The following ERCC8 variants were observed in gnomAD, a reference collection of about 807,000 sequenced individuals.
ERCC8 encodes the protein DNA excision repair protein ERCC-8.
A neutral mutation model predicts 54.9 loss-of-function variants in ERCC8; 52 were observed. The ratio of observed to expected loss-of-function variants is 0.95; its 90% confidence interval spans 0.76 to 1.19. The LOEUF is 1.19. Among genes scored for constraint, ERCC8 ranks in the 50% most tolerant of loss-of-function variants. ERCC8 has a pLI of 0.00. For synonymous variants in ERCC8, 146 were observed against 157.2 expected (o/e 0.93, Z 0.53); for missense variants, 514 against 466.1 (o/e 1.10, Z -0.95).
Position 60,872,024 on chromosome 5 carries a change from A to G in ERCC8, c.*2591T>C, listed in dbSNP as rs1057130221. Among the ~76,000 whole-genome samples the G allele has an allele frequency of 1.3e-5, 2 of 151,562 alleles. No individual in the cohort carries two copies. Among genetic ancestry groups the G allele is most frequent in the Non-Finnish European group, 2.9e-5 (2 of 67,910 alleles). ...GCCATGTTGCCCAGGCTGGTCTTGA[A>G]CTCCTGAGCTCAAGTGATCTGCCTG... On this transcript the variant is annotated 3_prime_UTR_variant, in exon 12 of 12. Transcript: ENST00000676185.
At chr5:60,900,808 T>C (rs1277274700) in intron 7 of ERCC8, 2 of 152,072 alleles carry the variant, frequency 1.3e-5, no homozygotes, top group Non-Finnish European at 2.9e-5. Context: ...TGGAGTATTC[T>C]TATAATTGAA....
chr5:60,874,381 AG>A lies in ERCC8; in HGVS notation c.*233del. ...TTGTGTTACTTGTACTGTAGCAATG[AG>A]GGCTTTCCCAGGCCACAACATCTGG... On this transcript the variant is annotated 3_prime_UTR_variant, in exon 12 of 12. Transcript: ENST00000676185. 4.0e-6 allele frequency: 2 copies of A among 500,704 alleles called. No homozygotes were observed. Among genetic ancestry groups the A allele is most frequent in the Non-Finnish European group, 7.1e-6 (2 of 280,964 alleles). 31.0% of individuals were successfully genotyped at this position (500,704 alleles called of 1,614,324 possible).
chr5:60,918,946 C>T (rs115161674), intron 3 of ERCC8, among the ~76,000 whole-genome samples: 233 of 152,086 alleles, frequency 1.5e-3, no homozygotes, highest in Admixed American at 3.2e-3. Context: ...GACTCTATGA[C>T]GTCAGCTACA....
At chr5:60,893,863 ATGT>A (rs1748643786) in intron 9 of ERCC8, among the ~76,000 whole-genome samples, 1 of 152,106 alleles carries the variant, frequency 6.6e-6, no homozygotes, top group Non-Finnish European at 1.5e-5. Flanking sequence ...AAGTGCATTC[ATGT>A]TGTTGTGCAA....
intron 1 of ERCC8, among the ~76,000 whole-genome samples, chr5:60,940,860 T>G (rs1393265085): frequency 6.6e-6 from 1 of 152,138 alleles, no homozygotes; most frequent in Non-Finnish European, 1.5e-5. Flanking sequence ...CCCAGAGTAT[T>G]CAAAATGTCC....
intron 11 of ERCC8, among the ~76,000 whole-genome samples, chr5:60,875,304 T>C (rs1178470001): frequency 1.3e-5 from 2 of 152,218 alleles, no homozygotes; most frequent in African/African-American, 2.4e-5. Flanking sequence ...CAGTAAAACA[T>C]GCAAAATACG....
intron 4 of ERCC8, among the ~76,000 whole-genome samples, chr5:60,916,025 G>A (rs1260713093): frequency 1.3e-5 from 2 of 151,896 alleles, no homozygotes; most frequent in African/African-American, 4.8e-5. Flanking sequence ...AGCAAGTACT[G>A]CACTGCAATT....
intron 9 of ERCC8, among the ~76,000 whole-genome samples, chr5:60,895,440 C>T (rs1004241892): frequency 5.9e-5 from 9 of 151,776 alleles, no homozygotes; most frequent in African/African-American, 2.2e-4. Flanking sequence ...AAACACTCAT[C>T]TTTTTTTTGC....
chr5:60,930,926 G>A (rs62372139), intron 1 of ERCC8, among the ~76,000 whole-genome samples: 1,678 of 152,168 alleles, frequency 0.011, 15 homozygotes, highest in Non-Finnish European at 0.018. Context: ...GGCCAACATG[G>A]TGAAACCCCG....
At chr5:60,897,044 C>T (rs1021180069) in intron 9 of ERCC8, among the ~76,000 whole-genome samples, 1 of 152,080 alleles carries the variant, frequency 6.6e-6, no homozygotes, top group Non-Finnish European at 1.5e-5. Flanking sequence ...CTGTTATTCC[C>T]TTCATATTCC....
intron 9 of ERCC8, among the ~76,000 whole-genome samples, chr5:60,897,529 G>T (rs1042763808): frequency 3.9e-5 from 6 of 152,086 alleles, no homozygotes; most frequent in Non-Finnish European, 8.8e-5. Context: ...CAAATTATAA[G>T]CTTTTAGTAG....
chr5:60,929,014 T>C, intron 1 of ERCC8, 55 bp from the exon 2 acceptor site: 1 of 1,101,444 alleles, frequency 9.1e-7, no homozygotes. Context: ...ATTTAAAAAT[T>C]TCTTATTTAA....
chr5:60,937,508 A>G (rs544264967), intron 1 of ERCC8, among the ~76,000 whole-genome samples: 1 of 152,248 alleles, frequency 6.6e-6, no homozygotes, highest in East Asian at 1.9e-4. Context: ...TCCCAGGCCA[A>G]TGGAGTTATG....
chr5:60,942,333 A>C (rs1750284367), intron 1 of ERCC8, among the ~76,000 whole-genome samples: 1 of 152,174 alleles, frequency 6.6e-6, no homozygotes, highest in Non-Finnish European at 1.5e-5. Flanking sequence ...GCATATGTTC[A>C]TACAATGACT....
At chr5:60,879,132 T>C (rs534749257) in intron 11 of ERCC8, among the ~76,000 whole-genome samples, 2 of 152,376 alleles carry the variant, frequency 1.3e-5, no homozygotes, top group East Asian at 3.9e-4. Context: ...ATGTACCCAG[T>C]AGTCATTCAG....
chr5:60,915,586 G>C (rs1189519311), intron 4 of ERCC8, among the ~76,000 whole-genome samples: 1 of 151,970 alleles, frequency 6.6e-6, no homozygotes, highest in African/African-American at 2.4e-5. Flanking sequence ...TCAAGGTGTT[G>C]ACAGGCTGCA....
chr5:60,915,044 T>C (rs528436206), intron 4 of ERCC8: 5 of 152,182 alleles, frequency 3.3e-5, no homozygotes, highest in South Asian at 2.1e-4. Context: ...GCTTGTAATT[T>C]TCCATATAAT....
chr5:60,886,968 A>C (rs969068430), intron 11 of ERCC8, among the ~76,000 whole-genome samples: 1 of 152,126 alleles, frequency 6.6e-6, no homozygotes, highest in Non-Finnish European at 1.5e-5. Context: ...CATAGTTATT[A>C]ATGACATGAA....
Position 60,923,815 on chromosome 5 carries a change from T to C in ERCC8, c.174-1660A>G, listed in dbSNP as rs569125110. 2.2e-4 allele frequency among the ~76,000 whole-genome samples: 33 copies of C among 152,160 alleles called. No homozygotes were observed. In the South Asian group the frequency reaches 6.6e-3, roughly 31 times the overall value. Reference sequence around the variant, plus strand: ...AATATACATTTATCCCAATCAAAAATAGGGGAACCATCAAAAATTCTTCAC... The same window carrying C: ...AATATACATTTATCCCAATCAAAAACAGGGGAACCATCAAAAATTCTTCAC... On this transcript the variant is annotated intron_variant, in intron 2 of 11. Transcript: ENST00000676185.
Sources: allele counts gnomAD v4.1 joint callset (sites outside exome capture counted in the v4.1 genomes callset), GRCh38; gene constraint gnomAD v4.1.1; transcripts MANE v1.5; gene names NCBI Gene and HGNC (gene_info 2026-07-23, HGNC 2026-07-21).